CAPZB: variants seen among roughly 807,000 people sequenced by gnomAD.
CAPZB encodes F-actin-capping protein subunit beta.
A neutral mutation model predicts 38.1 loss-of-function variants in CAPZB; 2 were observed. The ratio of observed to expected loss-of-function variants is 0.05; its 90% CI spans 0.02 to 0.17. The LOEUF (loss-of-function observed/expected upper bound fraction) is 0.17, where lower values mean the gene tolerates loss of function less well. Among genes scored for constraint, CAPZB ranks in the 10% least tolerant of loss-of-function variants. The probability of loss-of-function intolerance (pLI) is 1.00; values close to 1 mark genes in which losing one functional copy is unlikely to be tolerated. For missense variants in CAPZB, 161 were observed against 334.2 expected (o/e 0.48, Z 4.04); for synonymous variants, 107 against 127.4 (o/e 0.84, Z 1.08).
chr1:19,423,155 T>C lies in CAPZB; in HGVS notation c.4-3405A>G, dbSNP rs148142482. ...TTGCATTAATCCCAATTAATCTTAATTGGAAATGTTTCACTACAAATTTCT... is the reference window on the plus strand; with the variant it reads ...TTGCATTAATCCCAATTAATCTTAACTGGAAATGTTTCACTACAAATTTCT... On this transcript the variant is annotated intron_variant, in intron 1 of 8. Coordinates refer to ENST00000264202, the MANE Select transcript of CAPZB (RefSeq NM_004930.5). 1.5e-3 allele frequency among the ~76,000 whole-genome samples: 232 copies of C among 152,348 alleles called. 1 individual carries two copies. The highest frequency in any genetic ancestry group is 5.3e-3 in the African/African-American group (220 of 41,572).
intron 6 of CAPZB, 90 bp from the exon 7 acceptor site, chr1:19,345,342 A>G: frequency 9.4e-7 from 1 of 1,065,722 alleles, no homozygotes; most frequent in African/African-American, 1.5e-5. Context: ...GTCTGCAAAG[A>G]GCCTACTGTT....
chr1:19,428,407 T>TC (rs2094430982), intron 1 of CAPZB, among the ~76,000 whole-genome samples: 1 of 128,688 alleles, frequency 7.8e-6, no homozygotes, highest in African/African-American at 3.0e-5. Flanking sequence ...TCCCACACCC[T>TC]CCCCCCACCT....
intron 1 of CAPZB, among the ~76,000 whole-genome samples, chr1:19,475,926 G>C (rs1223757268): frequency 6.6e-6 from 1 of 152,174 alleles, no homozygotes; most frequent in Non-Finnish European, 1.5e-5. Flanking sequence ...CCAAGACTGA[G>C]AGCCAGGATT....
intron 4 of CAPZB, among the ~76,000 whole-genome samples, chr1:19,369,539 T>C (rs2094109083): frequency 6.6e-6 from 1 of 152,232 alleles, no homozygotes; most frequent in Non-Finnish European, 1.5e-5. Flanking sequence ...TGTGCGCACA[T>C]GGCTGAAGAC....
chr1:19,347,001 TA>T (rs1324585468), intron 6 of CAPZB, among the ~76,000 whole-genome samples: 24 of 151,452 alleles, frequency 1.6e-4, no homozygotes, highest in African/African-American at 4.4e-4. Context: ...TTTTTATTTT[TA>T]TTTTTATTTT....
At chr1:19,482,804 A>C (rs1162365749) in intron 1 of CAPZB, among the ~76,000 whole-genome samples, 2 of 152,218 alleles carry the variant, frequency 1.3e-5, no homozygotes, top group Non-Finnish European at 2.9e-5. Flanking sequence ...GAATTCATTT[A>C]CCTACAATGC....
At chr1:19,446,213 C>T (rs1297899720) in intron 1 of CAPZB, among the ~76,000 whole-genome samples, 1 of 152,222 alleles carries the variant, frequency 6.6e-6, no homozygotes, top group African/African-American at 2.4e-5. Context: ...GCCGGGGTGT[C>T]CAAATACTTT....
intron 1 of CAPZB, among the ~76,000 whole-genome samples, chr1:19,452,224 T>C (rs1471832209): frequency 1.3e-5 from 2 of 151,974 alleles, no homozygotes; most frequent in Non-Finnish European, 2.9e-5. Flanking sequence ...CATGTACTAT[T>C]CCTTCTGCCT....
At position 19,423,516 on chromosome 1, in the gene CAPZB, CTT is replaced by C. The variant is rs11340496; in HGVS notation, c.4-3768_4-3767del. Among the ~76,000 whole-genome samples the C allele has an allele frequency of 2.4e-3, 267 of 113,260 alleles. 1 individual carries two copies. Among genetic ancestry groups the C allele is most frequent in the African/African-American group, 5.7e-3 (164 of 28,908 alleles). The allele number at this position is 113,260 out of a possible 152,430, so 74.3% of individuals were successfully genotyped here. On this transcript the variant is annotated intron_variant, in intron 1 of 8. Transcript: ENST00000264202. ...TCAATAACAAGCAATAGTGAACATTCTTTTTTTTTTTTTTTTTTTTTTTTTAA... is the reference window on the plus strand; with the variant it reads ...TCAATAACAAGCAATAGTGAACATTCTTTTTTTTTTTTTTTTTTTTTTTAA...
intron 1 of CAPZB, among the ~76,000 whole-genome samples, chr1:19,432,056 A>AAGAAAAAAAAAG (rs1553285007): frequency 1.2e-5 from 1 of 86,014 alleles, no homozygotes; most frequent in African/African-American, 3.8e-5. Context: ...AAAAAAAAAA[A>AAGAAAAAAAAAG]AAAAAAAAAG....
chr1:19,405,752 G>A (rs776188034), intron 2 of CAPZB, among the ~76,000 whole-genome samples: 1 of 152,120 alleles, frequency 6.6e-6, no homozygotes, highest in African/African-American at 2.4e-5. Context: ...ATCTCTTTTC[G>A]GAGGGGCCGG....
chr1:19,427,683 A>G (rs971421094), intron 1 of CAPZB, among the ~76,000 whole-genome samples: 1 of 152,176 alleles, frequency 6.6e-6, no homozygotes, highest in Non-Finnish European at 1.5e-5. Flanking sequence ...GTCCTCTGGG[A>G]TGTGACAATA....
chr1:19,480,751 T>C (rs1170276826), intron 1 of CAPZB, among the ~76,000 whole-genome samples: 1 of 152,146 alleles, frequency 6.6e-6, no homozygotes, highest in Non-Finnish European at 1.5e-5. Flanking sequence ...ACAGTGAGCT[T>C]GTCTTTAATG....
chr1:19,485,519 C>T lies in CAPZB; in HGVS notation c.-81G>A, dbSNP rs1046940044. The T allele has an allele frequency of 4.3e-6, 5 of 1,175,602 alleles. No homozygotes were observed. The highest frequency in any genetic ancestry group is 3.2e-5 in the East Asian group (1 of 31,070). The allele number at this position is 1,175,602 out of a possible 1,614,324, so 72.8% of individuals were successfully genotyped here. A position where few individuals can be genotyped will look rare whatever the true frequency, so the allele number is the denominator to read the frequency against. Reference sequence around the variant, plus strand: ...GCAGGGCCCGGCGCTTCCACTTCCCCGGGTGCCCAGGAGTGAACATCCGGG... The same window carrying T: ...GCAGGGCCCGGCGCTTCCACTTCCCTGGGTGCCCAGGAGTGAACATCCGGG... On this transcript the variant is annotated 5_prime_UTR_variant, in exon 1 of 9. Coordinates refer to ENST00000264202, the MANE Select transcript of CAPZB (RefSeq NM_004930.5).
chr1:19,468,070 T>TCCAGC (rs1396872322), intron 1 of CAPZB, among the ~76,000 whole-genome samples: 10 of 152,098 alleles, frequency 6.6e-5, no homozygotes, highest in African/African-American at 2.2e-4. Flanking sequence ...GCCACTGCAC[T>TCCAGC]CCAGCCTGGG....
At chr1:19,359,766 G>C (rs572324621) in intron 4 of CAPZB, among the ~76,000 whole-genome samples, 93 of 152,328 alleles carry the variant, frequency 6.1e-4, no homozygotes, top group African/African-American at 2.2e-3. Context: ...TCCTACGAGA[G>C]GAAAAGGACC....
At position 19,408,567 on chromosome 1, in the gene CAPZB, C is replaced by T. The variant is rs116220224; in HGVS notation, c.93+11094G>A. ...CACCTATTTACCAGATGGGGCAGCTCATAGGCCTGAGAGAAACTGAGGTCT... is the reference window on the plus strand; with the variant it reads ...CACCTATTTACCAGATGGGGCAGCTTATAGGCCTGAGAGAAACTGAGGTCT... On this transcript the variant is annotated intron_variant, in intron 2 of 8. Transcript: ENST00000264202. Among the ~76,000 whole-genome samples, 623 of 152,312 alleles carry T rather than the reference C, an allele frequency of 4.1e-3. 3 individuals are homozygous for T. The highest frequency in any genetic ancestry group is 0.027 in the South Asian group (128 of 4,828).
At chr1:19,354,054 C>T (rs1052305577) in intron 6 of CAPZB, among the ~76,000 whole-genome samples, 1 of 152,226 alleles carries the variant, frequency 6.6e-6, no homozygotes, top group Non-Finnish European at 1.5e-5. Flanking sequence ...AAGACCAAAA[C>T]AGTTGTGGCA....
intron 1 of CAPZB, among the ~76,000 whole-genome samples, chr1:19,433,587 G>A (rs1331543524): frequency 2.0e-5 from 3 of 152,188 alleles, no homozygotes; most frequent in African/African-American, 7.2e-5. Context: ...GCACAAACGG[G>A]CATGTCTGGA....
Sources: allele counts gnomAD v4.1 joint callset (sites outside exome capture counted in the v4.1 genomes callset), GRCh38; gene constraint gnomAD v4.1.1; transcripts MANE v1.5; gene names NCBI Gene and HGNC (gene_info 2026-07-23, HGNC 2026-07-21).